The following RBFOX1 variants were observed in gnomAD, a reference collection of about 807,000 sequenced individuals.
RBFOX1 encodes the protein RNA binding protein fox-1 homolog 1.
RBFOX1 carries 8 observed loss-of-function variants against 57.7 expected under a neutral mutation model. The ratio of observed to expected loss-of-function variants is 0.14; its 90% CI spans 0.08 to 0.25. The LOEUF is 0.25. RBFOX1 is among the 10% of genes least tolerant of loss of function. The pLI is 1.00. For missense variants in RBFOX1, 611 were observed against 548.5 expected (o/e 1.11, Z -1.14); for synonymous variants, 326 against 222.4 (o/e 1.47, Z -4.15).
intron 3 of RBFOX1, among the ~76,000 whole-genome samples, chr16:5,675,658 G>A (rs2050145731): frequency 6.6e-6 from 1 of 152,186 alleles, no homozygotes; most frequent in Non-Finnish European, 1.5e-5. Context: ...AGCCCGTGTG[G>A]CTGCTGGGCC....
At chr16:6,651,817 C>G (rs953392427) in intron 2 of RBFOX1, among the ~76,000 whole-genome samples, 3 of 152,162 alleles carry the variant, frequency 2.0e-5, no homozygotes, top group East Asian at 1.9e-4. Flanking sequence ...AAATATCTAT[C>G]CACAGATGGC....
chr16:7,017,682 G>A (rs765657594), intron 3 of RBFOX1, among the ~76,000 whole-genome samples: 1 of 152,136 alleles, frequency 6.6e-6, no homozygotes, highest in African/African-American at 2.4e-5. Flanking sequence ...GGTGAGGGAA[G>A]CTTTTCCTTT....
intron 5 of RBFOX1, among the ~76,000 whole-genome samples, chr16:7,540,495 A>G (rs547753832): frequency 6.6e-6 from 1 of 152,300 alleles, no homozygotes; most frequent in Admixed American, 6.5e-5. Flanking sequence ...TTTGTCACAG[A>G]GGGTAGTTAT....
intron 2 of RBFOX1, among the ~76,000 whole-genome samples, chr16:5,510,794 A>G (rs1175424544): frequency 1.3e-5 from 2 of 151,992 alleles, no homozygotes; most frequent in Non-Finnish European, 2.9e-5. Flanking sequence ...GGCTGTTCTG[A>G]GTACTGCAGG....
chr16:7,455,307 C>G (rs538733253), intron 4 of RBFOX1, among the ~76,000 whole-genome samples: 1 of 152,112 alleles, frequency 6.6e-6, no homozygotes, highest in African/African-American at 2.4e-5. Flanking sequence ...AGAAGTTTCA[C>G]GTTTCAGCAG....
intron 2 of RBFOX1, among the ~76,000 whole-genome samples, chr16:6,360,456 G>C (rs1383600951): frequency 6.6e-6 from 1 of 152,088 alleles, no homozygotes; most frequent in Admixed American, 6.6e-5. Flanking sequence ...AAAAAAAAAT[G>C]TCCAAGTGAT....
At chr16:5,602,332 G>T (rs2151212757), downstream of RBFOX1, among the ~76,000 whole-genome samples, 1 of 152,338 alleles carries the variant, frequency 6.6e-6, no homozygotes, top group East Asian at 1.9e-4. Context: ...TTGTACAAGT[G>T]TGAGATGTGT....
At chr16:6,557,695 C>G (rs1334445811) in intron 2 of RBFOX1, among the ~76,000 whole-genome samples, 4 of 152,166 alleles carry the variant, frequency 2.6e-5, no homozygotes, top group South Asian at 4.1e-4. Flanking sequence ...TATCTCATTG[C>G]AAACTGCAGC....
rs1174017294 is a variant in RBFOX1, at chr16:7,296,523, A to G, written c.28-221624A>G. ...GGTGCTACCATTGGCCCCATTTTAC[A>G]GATGAAAAAAACTAAGGCTCGGAAT... is the stretch of plus-strand genomic sequence containing the variant. On this transcript the variant is annotated intron_variant, in intron 4 of 15. Transcript: ENST00000550418. 3.9e-5 allele frequency among the ~76,000 whole-genome samples: 6 copies of G among 152,304 alleles called. No homozygotes were observed. The South Asian group carries it at 1.0e-3, about 26-fold the overall frequency.
intron 1 of RBFOX1, among the ~76,000 whole-genome samples, chr16:6,117,382 A>G (rs139631798): frequency 2.2e-3 from 331 of 152,344 alleles, no homozygotes; most frequent in African/African-American, 7.8e-3. Flanking sequence ...AGAACTAATA[A>G]CAATTATGTT....
chr16:6,911,553 T>C (rs188585513), intron 3 of RBFOX1, among the ~76,000 whole-genome samples: 64 of 152,308 alleles, frequency 4.2e-4, no homozygotes, highest in African/African-American at 1.4e-3. Context: ...ACATCAGTCA[T>C]ATTGAACTAT....
rs2084147332 is a variant in RBFOX1 at position 7,712,505 on chromosome 16, G to A, written c.*1760G>A. On this transcript the variant is annotated 3_prime_UTR_variant, in exon 16 of 16. Transcript: ENST00000550418. ...AAGTTTCACAAGATTTGAAAACAAA[G>A]TTTCTGTAGCTTCGATACCTAAGAC... 6.6e-6 allele frequency: 1 copy of A among 152,298 alleles called. No individual in the cohort carries two copies. The highest frequency in any genetic ancestry group is 1.5e-5 in the Non-Finnish European group (1 of 67,968). 9.4% of individuals were successfully genotyped at this position (152,298 alleles called of 1,614,324 possible). A position where few individuals can be genotyped will look rare whatever the true frequency, so the allele number is the denominator to read the frequency against.
At chr16:7,327,287 T>C (rs76838785) in intron 4 of RBFOX1, among the ~76,000 whole-genome samples, 6,807 of 152,250 alleles carry the variant, frequency 0.045, 438 homozygotes, top group African/African-American at 0.14. Flanking sequence ...TTGGCAAAGA[T>C]AATTTGCCAG....
chr16:7,229,929 AG>A, intron 4 of RBFOX1, among the ~76,000 whole-genome samples: 1 of 42,122 alleles, frequency 2.4e-5, no homozygotes, highest in East Asian at 9.9e-4. Context: ...AGAGGGAGGA[AG>A]GGAGAGAGAG....
intron 3 of RBFOX1, among the ~76,000 whole-genome samples, chr16:7,008,387 C>G (rs1056295617): frequency 3.3e-5 from 5 of 151,828 alleles, no homozygotes; most frequent in African/African-American, 7.3e-5. Context: ...ACTAAAAATA[C>G]AAAAATTAGC....
intron 4 of RBFOX1, among the ~76,000 whole-genome samples, chr16:7,150,332 T>A (rs1288123857): frequency 6.6e-6 from 1 of 152,234 alleles, no homozygotes; most frequent in East Asian, 1.9e-4. Flanking sequence ...CACGGTTGTG[T>A]CTATATTAGA....
intron 3 of RBFOX1, among the ~76,000 whole-genome samples, chr16:6,851,028 C>G (rs757656201): frequency 6.6e-5 from 10 of 152,138 alleles, no homozygotes; most frequent in Non-Finnish European, 1.2e-4. Context: ...CTGTGGAATA[C>G]TATGTAGCAA....
intron 2 of RBFOX1, among the ~76,000 whole-genome samples, chr16:6,514,518 T>C (rs531530276): frequency 6.6e-6 from 1 of 152,316 alleles, no homozygotes; most frequent in African/African-American, 2.4e-5. Flanking sequence ...GTCTTTTATT[T>C]GTGTTTCAAT....
intron 1 of RBFOX1, among the ~76,000 whole-genome samples, chr16:5,423,741 T>G (rs2067427504): frequency 6.6e-6 from 1 of 152,166 alleles, no homozygotes; most frequent in Non-Finnish European, 1.5e-5. Flanking sequence ...GCTCATAGAA[T>G]CATCTTGTGA....
Sources: gnomAD v4.1 joint callset for allele counts (sites outside exome capture counted in the v4.1 genomes callset) on GRCh38, gnomAD v4.1.1 for gene constraint, MANE v1.5 for transcripts, NCBI Gene and HGNC (gene_info 2026-07-23, HGNC 2026-07-21) for gene names.